The following LRP6 variants were observed in gnomAD, a reference collection of about 807,000 sequenced individuals.
LRP6 encodes the protein low-density lipoprotein receptor-related protein 6.
In LRP6, 43 loss-of-function variants were observed where a neutral mutation model predicts 184.1. The observed-to-expected ratio is 0.23, with a 90% CI of 0.18 to 0.30. LRP6 has a LOEUF of 0.30. Ranked by LOEUF, LRP6 falls within the 10% of genes least tolerant of loss-of-function variation. LRP6 has a pLI of 1.00. For missense variants in LRP6, 1,571 were observed against 2,005.3 expected, an observed-to-expected ratio of 0.78 and a Z score of 4.14; for synonymous variants, 719 against 684.9, an observed-to-expected ratio of 1.05 and a Z score of -0.78.
intron 2 of LRP6, among the ~76,000 whole-genome samples, chr12:12,240,742 C>T (rs1865043658): frequency 2.0e-5 from 3 of 151,892 alleles, no homozygotes; most frequent in African/African-American, 4.8e-5. Flanking sequence ...AAACAAAACA[C>T]CCTTAAACTT....
chr12:12,231,148 T>A (rs575591838), intron 2 of LRP6, among the ~76,000 whole-genome samples: 52 of 116,280 alleles, frequency 4.5e-4, no homozygotes, highest in African/African-American at 1.6e-3. Flanking sequence ...GACACTACAC[T>A]CTAGCCTGGA....
intron 2 of LRP6, among the ~76,000 whole-genome samples, chr12:12,215,463 T>C (rs1205026328): frequency 2.6e-5 from 4 of 151,998 alleles, no homozygotes; most frequent in African/African-American, 9.7e-5. Context: ...TTCACTCTTG[T>C]TGCCCAAACT....
rs765209557 is a variant in LRP6 at position 12,121,108 on chromosome 12, G to A, written c.*18C>T. 3.2e-6 allele frequency: 5 copies of A among 1,576,052 alleles called. No homozygotes were observed. The highest frequency in any genetic ancestry group is 4.3e-6 in the Non-Finnish European group (5 of 1,158,936). The stretch of plus-strand genomic sequence containing the variant: ...TACATTTTTACGTTGGAGGCAGTCA[G>A]AGGAGGAGGGCCCCTCCTCAGGAGG... On this transcript the variant is annotated 3_prime_UTR_variant, in exon 23 of 23. Transcript: ENST00000261349.
chr12:12,214,609 A>G (rs1864291272), intron 2 of LRP6, among the ~76,000 whole-genome samples: 1 of 152,232 alleles, frequency 6.6e-6, no homozygotes, highest in African/African-American at 2.4e-5. Flanking sequence ...TTTTGGTTGC[A>G]TTTATTTGAA....
intron 3 of LRP6, among the ~76,000 whole-genome samples, chr12:12,200,194 A>C (rs532127229): frequency 1.3e-5 from 2 of 152,102 alleles, no homozygotes; most frequent in Non-Finnish European, 2.9e-5. Flanking sequence ...CCCTGCCACA[A>C]CTTCATTAAC....
chr12:12,202,180 A>T (rs976298139), intron 3 of LRP6, among the ~76,000 whole-genome samples: 1 of 152,264 alleles, frequency 6.6e-6, no homozygotes, highest in African/African-American at 2.4e-5. Flanking sequence ...AATGTATGGT[A>T]TATGCAGTAG....
chr12:12,140,881 C>T (rs937322611), intron 15 of LRP6, among the ~76,000 whole-genome samples: 16 of 151,896 alleles, frequency 1.1e-4, no homozygotes, highest in African/African-American at 3.9e-4. Flanking sequence ...GGATTACAGG[C>T]GTGAGCCACT....
chr12:12,245,569 T>G (rs1680439420), intron 1 of LRP6, among the ~76,000 whole-genome samples: 1 of 152,314 alleles, frequency 6.6e-6, no homozygotes, highest in Non-Finnish European at 1.5e-5. Flanking sequence ...TAAGCAAAAT[T>G]TATTGTCTAT....
intron 17 of LRP6, among the ~76,000 whole-genome samples, chr12:12,133,847 G>GT (rs1565539992): frequency 2.1e-4 from 9 of 43,220 alleles, no homozygotes; most frequent in African/African-American, 7.9e-4. Flanking sequence ...CTATTTTTTG[G>GT]GGGGGGGGGG....
At chr12:12,259,814 G>C (rs527739301) in intron 1 of LRP6, among the ~76,000 whole-genome samples, 26 of 152,250 alleles carry the variant, frequency 1.7e-4, no homozygotes, top group African/African-American at 6.0e-4. Flanking sequence ...TCACTGAAGT[G>C]AGGCTTACTT....
intron 16 of LRP6, among the ~76,000 whole-genome samples, chr12:12,137,321 C>T (rs1254452662): frequency 6.6e-6 from 1 of 152,130 alleles, no homozygotes; most frequent in Non-Finnish European, 1.5e-5. Context: ...TATATAAACT[C>T]ATTTATTCCT....
intron 8 of LRP6, among the ~76,000 whole-genome samples, 153 bp downstream of exon 8, chr12:12,164,919 TAAAAAAA>T (rs58540250): frequency 4.2e-4 from 24 of 57,088 alleles, no homozygotes; most frequent in Non-Finnish European, 7.2e-4. Flanking sequence ...CCCTTCTCAG[TAAAAAAA>T]AAAAAAAAAA....
At chr12:12,159,657 C>A in intron 11 of LRP6, 123 bp downstream of exon 11, 1 of 888,298 alleles carries the variant, frequency 1.1e-6, no homozygotes, top group Non-Finnish European at 1.8e-6. Context: ...AATTCCAGAA[C>A]AGAAGAAGAA....
Position 12,267,000 on chromosome 12 carries a change from C to A in LRP6, c.-265G>T, listed in dbSNP as rs1329205893. The A allele has an allele frequency of 2.1e-5, 11 of 523,622 alleles. No individual in the cohort carries two copies. Among genetic ancestry groups the A allele is most frequent in the African/African-American group, 6.2e-5 (3 of 48,500 alleles). The allele number at this position is 523,622 out of a possible 1,614,324, so 32.4% of individuals were successfully genotyped here. On this transcript the variant is annotated 5_prime_UTR_variant, in exon 1 of 23. Transcript: ENST00000261349. ...CCCCCGGCGCCCCGCTTCCCCCGCGCAGCTCCTCATTCAGCCTCTGCCTCG... is the reference window on the plus strand; with the variant it reads ...CCCCCGGCGCCCCGCTTCCCCCGCGAAGCTCCTCATTCAGCCTCTGCCTCG...
chr12:12,229,402 A>G (rs1409220095), intron 2 of LRP6, among the ~76,000 whole-genome samples: 2 of 151,184 alleles, frequency 1.3e-5, no homozygotes, highest in Non-Finnish European at 2.9e-5. Flanking sequence ...AAGAAGAAGA[A>G]TATCTCACAC....
intron 10 of LRP6, among the ~76,000 whole-genome samples, chr12:12,161,748 A>T (rs1184216328): frequency 6.6e-6 from 1 of 152,210 alleles, no homozygotes; most frequent in Non-Finnish European, 1.5e-5. Context: ...ATAATGATCA[A>T]ACCAAACTAT....
Position 12,159,703 on chromosome 12 carries a change from T to C in LRP6, c.2464+77A>G. ...CATATGAAGTTGTATTAAAAGTATCTAACCAATGATAAATAGCAGCCACTG... is the reference window on the plus strand; with the variant it reads ...CATATGAAGTTGTATTAAAAGTATCCAACCAATGATAAATAGCAGCCACTG... On this transcript the variant is annotated intron_variant, in intron 11 of 22. Coordinates refer to ENST00000261349, the MANE Select transcript of LRP6 (RefSeq NM_002336.3). The C allele has an allele frequency of 2.2e-6, 3 of 1,364,694 alleles. No individual in the cohort carries two copies. In the South Asian group the frequency reaches 3.5e-5, roughly 16 times the overall value. 84.5% of individuals were successfully genotyped at this position (1,364,694 alleles called of 1,614,324 possible). A position where few individuals can be genotyped will look rare whatever the true frequency, so the allele number is the denominator to read the frequency against.
chr12:12,203,212 C>A lies in LRP6; in HGVS notation c.638G>T (p.Gly213Val). 1 of 1,606,422 alleles carries A rather than the reference C, an allele frequency of 6.2e-7. No homozygotes were observed. The highest frequency in any genetic ancestry group is 1.1e-5 in the South Asian group (1 of 89,570). The change falls in exon 3 of 23, where the codon GGA becomes GTA. Residue 213 changes from glycine (G) to valine (V), a missense_variant. Around this residue, in one of 4 missense-constraint regions of LRP6, gnomAD observed 640 missense variants for 851.9 expected, o/e 0.75. Transcript: ENST00000261349. The part of the protein sequence containing the change: ...LNFIHKSNLD[G>V]TNRQAVVKGS... Reference sequence around the variant, plus strand: ...ATTCTTGTAATCTTACCGATTTGTTCCATCCAGATTTGATTTGTGGATGAA... The same window carrying A: ...ATTCTTGTAATCTTACCGATTTGTTACATCCAGATTTGATTTGTGGATGAA...
intron 10 of LRP6, among the ~76,000 whole-genome samples, chr12:12,160,804 G>A (rs1862721254): frequency 6.6e-6 from 1 of 152,180 alleles, no homozygotes; most frequent in South Asian, 2.1e-4. Context: ...TTGGCCAAAT[G>A]CCCTTTCAAG....
Sources: gnomAD v4.1 joint callset for allele counts (sites outside exome capture counted in the v4.1 genomes callset) on GRCh38, gnomAD v4.1.1 for gene constraint, gnomAD v4.1.1 regional missense constraint, MANE v1.5 for transcripts, NCBI Gene and HGNC (gene_info 2026-07-23, HGNC 2026-07-21) for gene names.